Variants in CPS1 observed in about 807,000 individuals in gnomAD.
CPS1 encodes carbamoyl-phosphate synthase 1.
In CPS1, 109 loss-of-function variants were observed where a neutral mutation model predicts 174.6. The ratio of observed to expected loss-of-function variants is 0.62; its 90% CI spans 0.53 to 0.73. The LOEUF is 0.73. Ranked by LOEUF, CPS1 falls within the 30% of genes least tolerant of loss-of-function variation. The pLI is 0.00. For missense variants in CPS1, 1,689 were observed against 1,821.9 expected (o/e 0.93, Z 1.33); for synonymous variants, 637 against 632.0 (o/e 1.01, Z -0.12).
intron 22 of CPS1, among the ~76,000 whole-genome samples, chr2:210,638,721 G>A (rs541509161): frequency 6.6e-6 from 1 of 152,202 alleles, no homozygotes; most frequent in South Asian, 2.1e-4. Context: ...TGGTAGTTGT[G>A]TCATCCCACC....
intron 1 of CPS1, among the ~76,000 whole-genome samples, chr2:210,503,494 C>T (rs947182178): frequency 2.6e-5 from 4 of 152,116 alleles, no homozygotes; most frequent in Admixed American, 1.3e-4. Context: ...TTCTCTGTGT[C>T]TTTCTCTCTC....
At chr2:210,586,718 G>C (rs145254950) in intron 6 of CPS1, among the ~76,000 whole-genome samples, 2,190 of 152,122 alleles carry the variant, frequency 0.014, 39 homozygotes, top group African/African-American at 0.05. Flanking sequence ...GTTTTTATCT[G>C]TGTCCAATCA....
intron 19 of CPS1, 53 bp from the exon 20 acceptor site, chr2:210,612,064 T>C (rs1364496141): frequency 4.6e-6 from 7 of 1,512,300 alleles, no homozygotes; most frequent in Non-Finnish European, 6.4e-6. Context: ...AGTTACAAAT[T>C]AAAGATACAT....
At chr2:210,639,560 C>T (rs1238966839) in intron 23 of CPS1, among the ~76,000 whole-genome samples, 4 of 134,224 alleles carry the variant, frequency 3.0e-5, no homozygotes, top group Middle Eastern at 4.7e-3. Flanking sequence ...TGCAGTGAGC[C>T]GAGATTGCGC....
intron 1 of CPS1, among the ~76,000 whole-genome samples, chr2:210,523,410 A>G (rs997855439): frequency 6.6e-6 from 1 of 152,100 alleles, no homozygotes; most frequent in Middle Eastern, 3.4e-3. Context: ...GTAATGGTGC[A>G]ATATATCCAT....
chr2:210,573,326 A>G lies in CPS1; in HGVS notation c.155A>G (p.Asp52Gly), dbSNP rs779756731. 5.6e-6 allele frequency: 9 copies of G among 1,613,210 alleles called. No individual in the cohort carries two copies. The Admixed American group carries it at 8.3e-5, about 15-fold the overall frequency. The change falls in exon 2 of 38, where the codon GAT becomes GGT. Residue 52 changes from aspartate to glycine, a missense_variant. Coordinates refer to ENST00000233072, the MANE Select transcript of CPS1 (RefSeq NM_001875.5). The stretch of plus-strand genomic sequence containing the variant: ...CAGACAGCACACATTGTCCTGGAAG[A>G]TGGAACTAAGATGAAAGGTTACTCC... ...KAQTAHIVLE[D>G]GTKMKGYSFG...
chr2:210,479,721 G>A (rs1336771027), intron 1 of CPS1, among the ~76,000 whole-genome samples: 1 of 152,186 alleles, frequency 6.6e-6, no homozygotes. Context: ...TGGCTATGGT[G>A]GCTGAACACA....
At chr2:210,638,598 C>T (rs867996428) in intron 22 of CPS1, among the ~76,000 whole-genome samples, 4 of 152,270 alleles carry the variant, frequency 2.6e-5, no homozygotes, top group South Asian at 2.1e-4. Flanking sequence ...CTTGCCCTGT[C>T]GGCCCCAAAT....
Position 210,639,993 on chromosome 2 carries a change from C to T in CPS1, c.2896-3C>T. On this transcript the variant is annotated splice_region_variant and splice_polypyrimidine_tract_variant and intron_variant, in intron 23 of 37. Transcript: ENST00000233072. The stretch of plus-strand genomic sequence containing the variant: ...CTGCATCTTCCTTTTCTTATTTCCT[C>T]AGGAGCATGATGTCAATTTTGATGA... The T allele has an allele frequency of 6.2e-7, 1 of 1,606,626 alleles. No individual in the cohort carries two copies. The highest frequency in any genetic ancestry group is 8.5e-7 in the Non-Finnish European group (1 of 1,173,930).
At chr2:210,555,613 A>G (rs756539832), upstream of CPS1, 7 of 455,376 alleles carry the variant, frequency 1.5e-5, no homozygotes, top group South Asian at 9.3e-5. Flanking sequence ...TACAATCTTT[A>G]TGTCATTTTC....
chr2:210,498,187 A>T (rs1347157286), intron 1 of CPS1, among the ~76,000 whole-genome samples: 1 of 151,416 alleles, frequency 6.6e-6, no homozygotes, highest in African/African-American at 2.4e-5. Context: ...GCATTTTTTC[A>T]TGTTTGCTGA....
At chr2:210,623,713 C>T (rs1481750613) in intron 21 of CPS1, among the ~76,000 whole-genome samples, 1 of 152,136 alleles carries the variant, frequency 6.6e-6, no homozygotes, top group Non-Finnish European at 1.5e-5. Flanking sequence ...CCTGCAGCCA[C>T]AAACTTCTGG....
chr2:210,536,738 A>G (rs1049354573), intron 1 of CPS1, among the ~76,000 whole-genome samples: 4 of 152,202 alleles, frequency 2.6e-5, no homozygotes, highest in African/African-American at 9.6e-5. Flanking sequence ...ATTTACTGTC[A>G]TAAATAACAC....
chr2:210,618,403 A>G (rs1195264500), intron 21 of CPS1: 1 of 152,120 alleles, frequency 6.6e-6, no homozygotes, highest in Admixed American at 6.6e-5. Flanking sequence ...TTTTTGATCC[A>G]GGGAGGTTGA....
intron 1 of CPS1, among the ~76,000 whole-genome samples, chr2:210,541,840 T>C (rs1481577397): frequency 6.6e-6 from 1 of 152,142 alleles, no homozygotes; most frequent in East Asian, 1.9e-4. Flanking sequence ...CAGATTTTGG[T>C]TGATCATGGA....
chr2:210,639,551 G>T (rs1700145907), intron 23 of CPS1, among the ~76,000 whole-genome samples: 1 of 145,352 alleles, frequency 6.9e-6, no homozygotes, highest in Non-Finnish European at 1.5e-5. Flanking sequence ...AGCGGAGCTT[G>T]CAGTGAGCCG....
At chr2:210,548,143 A>T (rs1424595843) in intron 1 of CPS1, among the ~76,000 whole-genome samples, 2 of 152,042 alleles carry the variant, frequency 1.3e-5, no homozygotes, top group African/African-American at 4.8e-5. Context: ...TTTTTATGCC[A>T]TTCAGAGTCA....
chr2:210,649,492 G>A (rs777154975), intron 27 of CPS1, among the ~76,000 whole-genome samples: 1 of 152,246 alleles, frequency 6.6e-6, no homozygotes, highest in Non-Finnish European at 1.5e-5. Flanking sequence ...GCAGAAATTT[G>A]TAATAGGATA....
chr2:210,572,033 A>G lies in CPS1; in HGVS notation c.127-1265A>G, dbSNP rs527497616. ...GTATTTTTTTTTGTCTTCGATGACT[A>G]CACTTAAACCTTGCAGAAAGAATAG... On this transcript the variant is annotated intron_variant, in intron 1 of 37. Transcript: ENST00000233072. Among the ~76,000 whole-genome samples, 87 of 151,936 alleles carry G rather than the reference A, an allele frequency of 5.7e-4. 3 individuals are homozygous for G. In the South Asian group the frequency reaches 0.018, roughly 32 times the overall value.
Sources: gnomAD v4.1 joint callset for allele counts (sites outside exome capture counted in the v4.1 genomes callset) on GRCh38, gnomAD v4.1.1 for gene constraint, MANE v1.5 for transcripts, NCBI Gene and HGNC (gene_info 2026-07-23, HGNC 2026-07-21) for gene names.